The following TDRD9 variants were observed in gnomAD, a reference collection of about 807,000 sequenced individuals.
The protein encoded by TDRD9 is tudor domain containing 9.
Under a neutral mutation model 172.6 loss-of-function variants are expected in TDRD9, and 124 were observed. The ratio of observed to expected loss-of-function variants is 0.72; its 90% CI spans 0.62 to 0.83. TDRD9 has a LOEUF of 0.83. Ranked by LOEUF, TDRD9 falls within the 40% of genes least tolerant of loss-of-function variation. The pLI is 0.00. For missense variants in TDRD9, 1,479 were observed against 1,714.1 expected, an observed-to-expected ratio of 0.86 and a Z score of 2.42; for synonymous variants, 619 against 617.1, an observed-to-expected ratio of 1.00 and a Z score of -0.05.
At position 103,986,340 on chromosome 14, in the gene TDRD9, G is replaced by A. The variant is rs1236934783; in HGVS notation, c.1115+20G>A. On this transcript the variant is annotated intron_variant, in intron 8 of 35. Coordinates refer to ENST00000409874, the MANE Select transcript of TDRD9 (RefSeq NM_153046.3). ...GAGTGGGTAAGAGATACTTCAGTTGGTAATGCACTTTAATGTATATGTGAT... is the reference window on the plus strand; with the variant it reads ...GAGTGGGTAAGAGATACTTCAGTTGATAATGCACTTTAATGTATATGTGAT... The A allele has an allele frequency of 6.6e-7, 1 of 1,524,284 alleles. No homozygotes were observed. Among genetic ancestry groups the A allele is most frequent in the South Asian group, 1.2e-5 (1 of 85,272 alleles). The allele number at this position is 1,524,284 out of a possible 1,614,324, so 94.4% of individuals were successfully genotyped here. A position where few individuals can be genotyped will look rare whatever the true frequency, so the allele number is the denominator to read the frequency against.
chr14:104,006,303 G>A, intron 15 of TDRD9, 86 bp from the exon 16 acceptor site: 1 of 1,116,932 alleles, frequency 9.0e-7, no homozygotes. Flanking sequence ...TTAGGTCTTT[G>A]TTTCCTGTTT....
chr14:103,951,140 C>T (rs182564331), intron 1 of TDRD9, among the ~76,000 whole-genome samples: 62 of 152,050 alleles, frequency 4.1e-4, no homozygotes, highest in Non-Finnish European at 4.4e-4. Context: ...AAAAAACCAA[C>T]AAAAAAAATC....
At chr14:103,939,909 G>A (rs1405213687) in intron 1 of TDRD9, 1 of 150,414 alleles carries the variant, frequency 6.6e-6, no homozygotes, top group Non-Finnish European at 1.5e-5. Flanking sequence ...ACCACACCCA[G>A]CTAGTTCCAA....
At chr14:103,994,490 A>G (rs1264648336) in intron 10 of TDRD9, 29 bp from the exon 11 acceptor site, 2 of 1,609,578 alleles carry the variant, frequency 1.2e-6, no homozygotes, top group Non-Finnish European at 1.7e-6. Context: ...TCTATTCTTT[A>G]TGGAGATTTT....
chr14:104,036,972 T>C (rs2035468272), intron 32 of TDRD9, among the ~76,000 whole-genome samples: 1 of 152,158 alleles, frequency 6.6e-6, no homozygotes, highest in South Asian at 2.1e-4. Flanking sequence ...GTTTTGTTGT[T>C]GTTTTTTATT....
rs200584602 is a variant in TDRD9 at position 104,026,784 on chromosome 14, G to A, written c.3127G>A (p.Gly1043Ser). Residue 1043 changes from glycine to serine, a missense_variant, in exon 28 of 36, where the codon GGC becomes AGC. Gly to Ser is a moderately conservative substitution (Grantham distance 56, BLOSUM62 0). This residue lies in a region of TDRD9 where 1,413 missense variants were observed against 1,649.1 expected (regional missense o/e 0.86). Coordinates refer to ENST00000409874, the MANE Select transcript of TDRD9 (RefSeq NM_153046.3). ...ASQWFASLVSGCTLLVKVFSV... is the reference protein window; with the variant it reads ...ASQWFASLVSSCTLLVKVFSV... ...CCAGTGGTTCGCCTCTCTGGTGAGCGGCTGCACCCTCCTTGTGAAGGTCTT... is the reference window on the plus strand; with the variant it reads ...CCAGTGGTTCGCCTCTCTGGTGAGCAGCTGCACCCTCCTTGTGAAGGTCTT... The A allele has an allele frequency of 3.2e-5, 51 of 1,613,962 alleles. 1 individual carries two copies. The highest frequency in any genetic ancestry group is 2.9e-4 in the South Asian group (26 of 91,070).
chr14:103,958,901 C>A (rs920184703), intron 2 of TDRD9, among the ~76,000 whole-genome samples: 3 of 152,180 alleles, frequency 2.0e-5, no homozygotes, highest in African/African-American at 7.2e-5. Context: ...ATAGGCAAGA[C>A]TAGTAATAGG....
At chr14:104,040,986 A>G (rs1390189640) in intron 33 of TDRD9, among the ~76,000 whole-genome samples, 1 of 152,260 alleles carries the variant, frequency 6.6e-6, no homozygotes, top group Non-Finnish European at 1.5e-5. Flanking sequence ...CAAAGTGGGA[A>G]GACCAAAACT....
chr14:103,975,261 G>A (rs1251829856), intron 6 of TDRD9, 128 bp from the exon 7 acceptor site: 14 of 710,680 alleles, frequency 2.0e-5, no homozygotes, highest in Non-Finnish European at 2.9e-5. Context: ...TTAAATCAGG[G>A]TGGTCTGTTT....
At chr14:103,934,432 G>A (rs967969649) in intron 1 of TDRD9, among the ~76,000 whole-genome samples, 5 of 152,196 alleles carry the variant, frequency 3.3e-5, no homozygotes, top group Non-Finnish European at 7.3e-5. Context: ...AGCTGGAGTA[G>A]AGTGTTTGAA....
chr14:104,035,537 A>T (rs1293330616), intron 32 of TDRD9, among the ~76,000 whole-genome samples: 2 of 152,200 alleles, frequency 1.3e-5, no homozygotes, highest in Non-Finnish European at 2.9e-5. Flanking sequence ...AGAGACTTTG[A>T]TAGAGAGGAG....
intron 7 of TDRD9, among the ~76,000 whole-genome samples, chr14:103,977,635 T>C (rs1188702019): frequency 9.4e-5 from 14 of 149,542 alleles, no homozygotes; most frequent in African/African-American, 2.9e-4. Flanking sequence ...TCTTTCTTTT[T>C]TTTTTTTTTT....
chr14:104,024,523 T>C, intron 24 of TDRD9, 46 bp from the exon 25 acceptor site: 1 of 1,115,242 alleles, frequency 9.0e-7, no homozygotes, highest in Non-Finnish European at 1.3e-6. Context: ...ATGTGTTTTC[T>C]TTGTAAAACT....
intron 1 of TDRD9, chr14:103,939,761 T>TTTTTTTTTTTA (rs2031098519): frequency 7.7e-6 from 1 of 130,694 alleles, no homozygotes; most frequent in Admixed American, 8.1e-5. Flanking sequence ...TTTTTTTTTT[T>TTTTTTTTTTTA]TTTGAGACAA....
chr14:104,023,819 T>C (rs2035035693), intron 24 of TDRD9, among the ~76,000 whole-genome samples: 1 of 152,208 alleles, frequency 6.6e-6, no homozygotes. Context: ...GGGAGTGTAG[T>C]GGGTTCAGTC....
intron 1 of TDRD9, chr14:103,941,345 G>C: frequency 9.1e-6 from 12 of 1,311,920 alleles, no homozygotes; most frequent in East Asian, 2.5e-5. Flanking sequence ...AAATATATGA[G>C]GAACTTGGAC....
chr14:104,049,441 G>C, intron 34 of TDRD9, 167 bp from the exon 35 acceptor site: 2 of 516,384 alleles, frequency 3.9e-6, no homozygotes, highest in Non-Finnish European at 3.3e-6. Context: ...ATATGCCATA[G>C]ATTAAAATAT....
chr14:103,965,594 G>C, intron 4 of TDRD9, 40 bp downstream of exon 4: 2 of 1,494,338 alleles, frequency 1.3e-6, no homozygotes, highest in Non-Finnish European at 1.8e-6. Context: ...AGAGCCAGCT[G>C]TCTCTCTATT....
rs190415030 is a variant in TDRD9 at position 104,048,710 on chromosome 14, A to T, written c.3975-898A>T. Among the ~76,000 whole-genome samples the T allele has an allele frequency of 3.6e-4, 54 of 151,600 alleles. No homozygotes were observed. In the East Asian group the frequency reaches 9.9e-3, roughly 28 times the overall value. On this transcript the variant is annotated intron_variant, in intron 34 of 35. Transcript: ENST00000409874. ...GGAGGGCCTGCTCCCCCTCTGTGGCACTCTCCTTTCCAGAGTCTCCCTTTT... is the reference window on the plus strand; with the variant it reads ...GGAGGGCCTGCTCCCCCTCTGTGGCTCTCTCCTTTCCAGAGTCTCCCTTTT...
Sources: gnomAD v4.1 joint callset for allele counts (sites outside exome capture counted in the v4.1 genomes callset) on GRCh38, gnomAD v4.1.1 for gene constraint, gnomAD v4.1.1 regional missense constraint, MANE v1.5 for transcripts, NCBI Gene and HGNC (gene_info 2026-07-23, HGNC 2026-07-21) for gene names.